THEMIS: variants seen among roughly 807,000 people sequenced by gnomAD.
THEMIS encodes thymocyte selection associated.
THEMIS carries 37 observed loss-of-function variants against 52.6 expected under a neutral mutation model. That is an observed-to-expected ratio of 0.70 (90% confidence interval 0.54 to 0.93). The LOEUF (loss-of-function observed/expected upper bound fraction) is 0.93. Ranked by LOEUF, THEMIS falls within the 40% of genes least tolerant of loss-of-function variation. THEMIS has a pLI of 0.00. For missense variants in THEMIS, 808 were observed against 763.1 expected, an observed-to-expected ratio of 1.06 and a Z score of -0.69; for synonymous variants, 292 against 272.7, an observed-to-expected ratio of 1.07 and a Z score of -0.70.
chr6:127,755,167 T>G (rs1342889680), intron 4 of THEMIS, among the ~76,000 whole-genome samples: 1 of 152,220 alleles, frequency 6.6e-6, no homozygotes, highest in East Asian at 1.9e-4. Flanking sequence ...ATAATGCTCT[T>G]GCACTATATC....
intron 1 of THEMIS, among the ~76,000 whole-genome samples, chr6:127,876,348 G>A (rs923938689): frequency 2.6e-5 from 4 of 152,158 alleles, no homozygotes; most frequent in African/African-American, 7.2e-5. Context: ...GAGAATGATA[G>A]GGCACTAAGA....
chr6:127,844,782 T>C (rs1239668468), intron 2 of THEMIS, among the ~76,000 whole-genome samples: 1 of 151,930 alleles, frequency 6.6e-6, no homozygotes, highest in African/African-American at 2.4e-5. Context: ...TCTATGGAGA[T>C]AATGTAATCA....
chr6:127,881,457 A>G (rs1780482796), intron 1 of THEMIS, among the ~76,000 whole-genome samples: 1 of 152,006 alleles, frequency 6.6e-6, no homozygotes, highest in Non-Finnish European at 1.5e-5. Context: ...GATTATAGGA[A>G]AAAACATTTG....
chr6:127,734,776 G>A (rs927961748), intron 4 of THEMIS, among the ~76,000 whole-genome samples: 17 of 148,446 alleles, frequency 1.1e-4, no homozygotes, highest in Admixed American at 2.7e-4. Flanking sequence ...GACTGAGGCA[G>A]GAGAATCGCT....
chr6:127,732,057 T>C lies in THEMIS; in HGVS notation c.1759-12234A>G, dbSNP rs191248462. 2.4e-4 allele frequency among the ~76,000 whole-genome samples: 36 copies of C among 150,988 alleles called. 1 individual carries two copies. In the East Asian group the frequency reaches 6.6e-3, roughly 28 times the overall value. ...AACATTAATTTTGGTGAATCTTAAATGTTACGCAGTATTGGATTGAGTATA... is the reference window on the plus strand; with the variant it reads ...AACATTAATTTTGGTGAATCTTAAACGTTACGCAGTATTGGATTGAGTATA... On this transcript the variant is annotated intron_variant, in intron 4 of 5. Coordinates refer to ENST00000368248, the MANE Select transcript of THEMIS (RefSeq NM_001010923.3).
At position 127,719,763 on chromosome 6, in the gene THEMIS, C is replaced by T. The variant is rs774958853; in HGVS notation, c.1819G>A (p.Val607Ile). The T allele has an allele frequency of 3.1e-6, 5 of 1,612,356 alleles. No individual in the cohort carries two copies. The highest frequency in any genetic ancestry group is 2.7e-5 in the African/African-American group (2 of 74,878). ...HPNQAGLDSKVLIGSQNDLVD... is the reference protein window; with the variant it reads ...HPNQAGLDSKILIGSQNDLVD... ...AAATCATTCTGACTACCAATCAGTA[C>T]TTTTGAATCCAGGCCAGCTTGATTT... Residue 607 changes from valine (V) to isoleucine (I), a missense_variant, in exon 5 of 6, where the codon GTA (valine) becomes ATA (isoleucine). Val to Ile is a conservative substitution (Grantham distance 29). Coordinates refer to ENST00000368248, the MANE Select transcript of THEMIS (RefSeq NM_001010923.3).
chr6:127,885,787 G>T (rs1490894081), intron 1 of THEMIS, among the ~76,000 whole-genome samples: 1 of 152,096 alleles, frequency 6.6e-6, no homozygotes, highest in Non-Finnish European at 1.5e-5. Flanking sequence ...ATACTTTTGG[G>T]CTGAGTTAAA....
intron 5 of THEMIS, 150 bp from the exon 6 acceptor site, chr6:127,710,166 G>C: frequency 1.4e-5 from 5 of 353,314 alleles, no homozygotes; most frequent in Non-Finnish European, 1.5e-5. Flanking sequence ...GCAAAATAAA[G>C]AAAAAAAAAA....
chr6:127,717,075 T>G (rs996349231), intron 5 of THEMIS, among the ~76,000 whole-genome samples: 6 of 152,040 alleles, frequency 3.9e-5, no homozygotes, highest in South Asian at 2.1e-4. Context: ...GAGCGTATCA[T>G]AGGAAAACAA....
At chr6:127,866,093 C>G (rs1316394430) in intron 1 of THEMIS, among the ~76,000 whole-genome samples, 1 of 151,890 alleles carries the variant, frequency 6.6e-6, no homozygotes, top group Non-Finnish European at 1.5e-5. Flanking sequence ...AACTCACACT[C>G]CTTATATTTG....
intron 1 of THEMIS, among the ~76,000 whole-genome samples, chr6:127,906,450 G>C (rs1363982872): frequency 6.6e-6 from 1 of 151,848 alleles, no homozygotes; most frequent in Non-Finnish European, 1.5e-5. Flanking sequence ...TACTGTTAAT[G>C]GTGCAATGTT....
At chr6:127,841,052 A>C (rs894381153) in intron 2 of THEMIS, among the ~76,000 whole-genome samples, 3 of 152,100 alleles carry the variant, frequency 2.0e-5, no homozygotes, top group African/African-American at 7.2e-5. Flanking sequence ...ATCAAAACCC[A>C]TAGAATGTAC....
intron 4 of THEMIS, among the ~76,000 whole-genome samples, chr6:127,792,951 G>A (rs960936661): frequency 2.6e-5 from 4 of 152,082 alleles, no homozygotes; most frequent in Admixed American, 2.6e-4. Context: ...TAGCTAAATG[G>A]GGGTAGATTT....
At chr6:127,858,359 C>T (rs558549430) in intron 1 of THEMIS, among the ~76,000 whole-genome samples, 30 of 152,082 alleles carry the variant, frequency 2.0e-4, no homozygotes, top group African/African-American at 6.3e-4. Flanking sequence ...TTTAATATTT[C>T]GTGACTTCCA....
intron 1 of THEMIS, among the ~76,000 whole-genome samples, chr6:127,898,783 A>G (rs1426028408): frequency 6.6e-6 from 1 of 152,002 alleles, no homozygotes; most frequent in East Asian, 1.9e-4. Context: ...AATATTATTC[A>G]GCCATAAAAA....
chr6:127,740,323 A>G (rs6569515), intron 4 of THEMIS, among the ~76,000 whole-genome samples: 3,970 of 152,242 alleles, frequency 0.026, 190 homozygotes, highest in African/African-American at 0.091. Context: ...AGAAAAAACT[A>G]AGGATCATAT....
chr6:127,804,991 T>G (rs1447624187), intron 4 of THEMIS, among the ~76,000 whole-genome samples: 2 of 152,282 alleles, frequency 1.3e-5, no homozygotes, highest in Non-Finnish European at 2.9e-5. Context: ...ATTGTGTGAC[T>G]TCATAATTTT....
intron 1 of THEMIS, among the ~76,000 whole-genome samples, chr6:127,871,889 A>T (rs190479074): frequency 1.1e-3 from 171 of 152,316 alleles, no homozygotes; most frequent in African/African-American, 3.9e-3. Context: ...AATATTTTCA[A>T]CAATTCTAGA....
At chr6:127,782,404 T>C (rs933246297) in intron 4 of THEMIS, among the ~76,000 whole-genome samples, 1 of 152,152 alleles carries the variant, frequency 6.6e-6, no homozygotes, top group Non-Finnish European at 1.5e-5. Flanking sequence ...AGTTTTGTGC[T>C]TGAAACCCAG....
Sources: allele counts gnomAD v4.1 joint callset (sites outside exome capture counted in the v4.1 genomes callset), GRCh38; gene constraint gnomAD v4.1.1; transcripts MANE v1.5; gene names NCBI Gene and HGNC (gene_info 2026-07-23, HGNC 2026-07-21).